The following NHSL1 variants were observed in gnomAD, a reference collection of about 807,000 sequenced individuals.
NHSL1 encodes NHS-like protein 1.
Under a neutral mutation model 95.0 loss-of-function variants are expected in NHSL1, and 48 were observed. That is an observed-to-expected ratio of 0.51 (90% CI 0.40 to 0.64). The LOEUF (loss-of-function observed/expected upper bound fraction) is 0.64, where lower values mean the gene tolerates loss of function less well. Ranked by LOEUF, NHSL1 falls within the 30% of genes least tolerant of loss-of-function variation. NHSL1 has a pLI of 0.00. For missense variants in NHSL1, 1,971 were observed against 2,077.7 expected (o/e 0.95, Z 1.00); for synonymous variants, 783 against 833.9 (o/e 0.94, Z 1.05).
rs147382366 is a variant in NHSL1, at chr6:138,468,187, C to T, written c.339+5119G>A. On this transcript the variant is annotated intron_variant, in intron 3 of 7. Transcript: ENST00000343505. Reference sequence around the variant, plus strand: ...TCACCCAGAGCAACTTCCAGTCCTGCAAGCTCCATTCATGGTAAGTGCCCT... The same window carrying T: ...TCACCCAGAGCAACTTCCAGTCCTGTAAGCTCCATTCATGGTAAGTGCCCT... Among the ~76,000 whole-genome samples the T allele has an allele frequency of 4.3e-3, 660 of 152,354 alleles. 4 individuals are homozygous for T. Among genetic ancestry groups the T allele is most frequent in the Non-Finnish European group, 4.5e-3 (309 of 68,028 alleles).
chr6:138,617,751 T>C lies in NHSL1; in HGVS notation c.96+74725A>G, dbSNP rs374435104. On this transcript the variant is annotated intron_variant, in intron 1 of 3. Coordinates refer to the NHSL1 transcript ENST00000491526. ...AAGAATTCTACGGAACTGCAGGTAC[T>C]GCGTTCTCATTACTCCTGGAGGACA... Among the ~76,000 whole-genome samples, 44 of 152,374 alleles carry C rather than the reference T, an allele frequency of 2.9e-4. No individual in the cohort carries two copies. In the South Asian group the frequency reaches 9.1e-3, roughly 32 times the overall value.
In NHSL1 at chr6:138,513,507, G is replaced by C. The variant is rs137997587; in HGVS notation, c.17-17136C>G. Among the ~76,000 whole-genome samples, 13 of 152,202 alleles carry C rather than the reference G, an allele frequency of 8.5e-5. No individual in the cohort carries two copies. In the East Asian group the frequency reaches 2.5e-3, roughly 29 times the overall value. ...CTGCTTCGGCCTCCCAAGTAGCTGG[G>C]ATGAGTAACTTTTTGAAAAGTTTCC... is the stretch of plus-strand genomic sequence containing the variant. On this transcript the variant is annotated intron_variant, in intron 1 of 4. Coordinates refer to the NHSL1 transcript ENST00000342260.
chr6:138,466,278 T>C (rs910040954), intron 3 of NHSL1, among the ~76,000 whole-genome samples: 2 of 151,608 alleles, frequency 1.3e-5, no homozygotes, highest in Non-Finnish European at 1.5e-5. Context: ...CCTGACCTTG[T>C]GATCCACCCG....
intron 1 of NHSL1, among the ~76,000 whole-genome samples, chr6:138,614,086 G>A (rs1219162644): frequency 6.6e-6 from 1 of 152,150 alleles, no homozygotes; most frequent in Non-Finnish European, 1.5e-5. Flanking sequence ...ATGATAACAT[G>A]CTCAGTTAAA....
In NHSL1 at chr6:138,669,641, A is replaced by C. The variant is rs530617621; in HGVS notation, c.96+22835T>G. Among the ~76,000 whole-genome samples, 13 of 152,354 alleles carry C rather than the reference A, an allele frequency of 8.5e-5. No homozygotes were observed. In the East Asian group the frequency reaches 1.5e-3, roughly 18 times the overall value. On this transcript the variant is annotated intron_variant, in intron 1 of 3. Coordinates refer to the NHSL1 transcript ENST00000491526. ...AAAACAGAAGGTTTCTGGTCTGAGAATACAAAGCACAGTTGAGAACCTACC... is the reference window on the plus strand; with the variant it reads ...AAAACAGAAGGTTTCTGGTCTGAGACTACAAAGCACAGTTGAGAACCTACC...
intron 1 of NHSL1, among the ~76,000 whole-genome samples, chr6:138,655,532 C>A (rs139625829): frequency 2.4e-3 from 366 of 152,288 alleles, no homozygotes; most frequent in African/African-American, 8.5e-3. Flanking sequence ...GAAATAGACA[C>A]CTAACTTGGC....
chr6:138,608,394 G>A (rs1784462957), intron 1 of NHSL1, among the ~76,000 whole-genome samples: 1 of 152,154 alleles, frequency 6.6e-6, no homozygotes, highest in African/African-American at 2.4e-5. Context: ...GGCCTTGGAA[G>A]AAATTAGGTC....
intron 1 of NHSL1, among the ~76,000 whole-genome samples, chr6:138,590,996 G>A (rs979231698): frequency 6.6e-6 from 1 of 152,278 alleles, no homozygotes; most frequent in Admixed American, 6.5e-5. Flanking sequence ...ATTTCAGCAG[G>A]CCTGTGTATT....
In NHSL1 at chr6:138,496,377, GA is replaced by G. The variant is rs755459330; in HGVS notation, c.59-7del. On this transcript the variant is annotated splice_polypyrimidine_tract_variant and splice_region_variant and intron_variant, in intron 1 of 7. Transcript: ENST00000343505. ...CTCATCTAGGTTGGAAACCGCTATA[GA>G]AAAAAAGATAGAATACATTCAGGTG... The G allele has an allele frequency of 3.9e-6, 6 of 1,549,610 alleles. No individual in the cohort carries two copies. The South Asian group carries it at 7.1e-5, about 18-fold the overall frequency.
intron 1 of NHSL1, among the ~76,000 whole-genome samples, chr6:138,653,390 C>T (rs1346565062): frequency 2.6e-5 from 4 of 152,060 alleles, no homozygotes; most frequent in Non-Finnish European, 2.9e-5. Context: ...CCCGTCTCTA[C>T]TAAAAATACA....
intron 2 of NHSL1, among the ~76,000 whole-genome samples, chr6:138,491,876 C>T (rs1287016659): frequency 1.3e-5 from 2 of 152,136 alleles, no homozygotes; most frequent in Non-Finnish European, 2.9e-5. Context: ...CAAATGAGTA[C>T]TTCCTTTGAG....
intron 3 of NHSL1, among the ~76,000 whole-genome samples, chr6:138,463,254 A>C (rs1778111839): frequency 6.6e-6 from 1 of 152,070 alleles, no homozygotes; most frequent in South Asian, 2.1e-4. Flanking sequence ...CAATCCCGTT[A>C]AATAATCAAT....
At chr6:138,518,463 G>A (rs1398566650) in intron 1 of NHSL1, among the ~76,000 whole-genome samples, 9 of 139,020 alleles carry the variant, frequency 6.5e-5, no homozygotes, top group Non-Finnish European at 1.1e-4. Flanking sequence ...AGGGTAGAAC[G>A]TCCACAGGAA....
chr6:138,440,598 A>G (rs1207741022), intron 5 of NHSL1, among the ~76,000 whole-genome samples: 1 of 152,262 alleles, frequency 6.6e-6, no homozygotes, highest in Non-Finnish European at 1.5e-5. Flanking sequence ...TCACCTGACT[A>G]TTGCTACAGC....
intron 1 of NHSL1, among the ~76,000 whole-genome samples, chr6:138,597,627 G>A (rs1370971634): frequency 6.6e-6 from 1 of 152,166 alleles, no homozygotes; most frequent in African/African-American, 2.4e-5. Flanking sequence ...CGCTTGTAGT[G>A]TTTGAGTCAC....
At chr6:138,593,523 GCTAA>G (rs1373723766) in intron 1 of NHSL1, among the ~76,000 whole-genome samples, 1 of 152,002 alleles carries the variant, frequency 6.6e-6, no homozygotes, top group Non-Finnish European at 1.5e-5. Context: ...GAGGCCAACG[GCTAA>G]CTAAACTTAA....
In NHSL1 at chr6:138,582,045, C is replaced by T. The variant is rs187214750; in HGVS notation, c.97-85674G>A. 3.9e-5 allele frequency among the ~76,000 whole-genome samples: 6 copies of T among 151,972 alleles called. No individual in the cohort carries two copies. In the East Asian group the frequency reaches 5.8e-4, roughly 15 times the overall value. On this transcript the variant is annotated intron_variant, in intron 1 of 3. Transcript: ENST00000491526. ...CCAAGTAGTTGGGATTACAGGCGTACACCACCACACCTGGCTAATTTTTGT... is the reference window on the plus strand; with the variant it reads ...CCAAGTAGTTGGGATTACAGGCGTATACCACCACACCTGGCTAATTTTTGT...
chr6:138,587,251 G>A (rs1784148843), intron 1 of NHSL1, among the ~76,000 whole-genome samples: 1 of 151,514 alleles, frequency 6.6e-6, no homozygotes, highest in Admixed American at 6.6e-5. Flanking sequence ...GGGATTACAG[G>A]CGTGAGCCAC....
chr6:138,628,767 T>A (rs766237575), intron 1 of NHSL1, among the ~76,000 whole-genome samples: 3 of 152,098 alleles, frequency 2.0e-5, no homozygotes, highest in Non-Finnish European at 4.4e-5. Context: ...ATTAAAAAGT[T>A]CCTCCATTTC....
Sources: gnomAD v4.1 joint callset for allele counts (sites outside exome capture counted in the v4.1 genomes callset) on GRCh38, gnomAD v4.1.1 for gene constraint, MANE v1.5 for transcripts, NCBI Gene and HGNC (gene_info 2026-07-23, HGNC 2026-07-21) for gene names.